Variants in LPP observed in about 807,000 individuals in gnomAD.
LPP encodes the protein lipoma-preferred partner.
In LPP, 38 loss-of-function variants were observed where a neutral mutation model predicts 60.4. The observed-to-expected ratio is 0.63, with a 90% confidence interval of 0.49 to 0.83. The LOEUF (loss-of-function observed/expected upper bound fraction) is 0.83, where lower values mean the gene tolerates loss of function less well. Among genes scored for constraint, LPP ranks in the 40% least tolerant of loss-of-function variants. LPP has a pLI of 0.00. For missense variants in LPP, 902 were observed against 783.6 expected, an observed-to-expected ratio of 1.15 and a Z score of -1.80; for synonymous variants, 328 against 290.8, an observed-to-expected ratio of 1.13 and a Z score of -1.30.
chr3:188,746,183 AC>A (rs1173698316), intron 8 of LPP, among the ~76,000 whole-genome samples: 2 of 152,002 alleles, frequency 1.3e-5, no homozygotes, highest in Non-Finnish European at 2.9e-5. Flanking sequence ...CTCCCTAGTC[AC>A]CTGTCAGCTT....
At chr3:188,549,638 C>A (rs1470475068) in intron 6 of LPP, among the ~76,000 whole-genome samples, 1 of 152,122 alleles carries the variant, frequency 6.6e-6, no homozygotes, top group East Asian at 1.9e-4. Context: ...AGTACAAGAT[C>A]TTGGTAAGAG....
At chr3:188,362,992 G>A (rs981596697) in intron 3 of LPP, among the ~76,000 whole-genome samples, 25 of 150,964 alleles carry the variant, frequency 1.7e-4, no homozygotes, top group African/African-American at 5.8e-4. Flanking sequence ...AGACCCAACT[G>A]TTTTTTAAAT....
rs1769882973 is a variant in LPP at position 188,880,833 on chromosome 3, GT to G, written c.*6356del. 5.6e-6 allele frequency: 1 copy of G among 178,912 alleles called. No homozygotes were observed. Among genetic ancestry groups the G allele is most frequent in the South Asian group, 2.0e-4 (1 of 5,054 alleles). The allele number at this position is 178,912 out of a possible 1,614,324, so 11.1% of individuals were successfully genotyped here. On this transcript the variant is annotated 3_prime_UTR_variant, in exon 12 of 12. Transcript: ENST00000617246. The stretch of plus-strand genomic sequence containing the variant: ...CTTGTGTTCTACACCACTATAGAGA[GT>G]TACAGTTGCCCCCAAACACGAATGC...
Position 188,774,254 on chromosome 3 carries a change from T to A in LPP, c.1410+13972T>A, listed in dbSNP as rs1332556636. ...CAGTTTGGTTACACCTGTTTTGAGA[T>A]TCCTTGCCTATACCCTTCCAACTGA... On this transcript the variant is annotated intron_variant, in intron 9 of 11. Transcript: ENST00000617246. Among the ~76,000 whole-genome samples the A allele has an allele frequency of 7.2e-5, 11 of 152,262 alleles. No individual in the cohort carries two copies. The East Asian group carries it at 2.1e-3, about 29-fold the overall frequency.
Position 188,778,710 on chromosome 3 carries a change from A to C in LPP, c.1410+18428A>C, listed in dbSNP as rs111302864. On this transcript the variant is annotated intron_variant, in intron 9 of 11. Coordinates refer to ENST00000617246, the MANE Select transcript of LPP (RefSeq NM_001375462.1). The stretch of plus-strand genomic sequence containing the variant: ...GAAAATCAGGCTTGATTTACCAACC[A>C]CCCCATGTGCACATACAAACAAACA... Among the ~76,000 whole-genome samples, 1,205 of 152,204 alleles carry C rather than the reference A, an allele frequency of 7.9e-3. 15 individuals are homozygous for C. The highest frequency in any genetic ancestry group is 0.026 in the African/African-American group (1,098 of 41,530).
At chr3:188,692,133 G>A (rs569896482) in intron 7 of LPP, among the ~76,000 whole-genome samples, 2 of 152,226 alleles carry the variant, frequency 1.3e-5, no homozygotes, top group South Asian at 2.1e-4. Context: ...TGAGTTGTTA[G>A]CATCAAAAAA....
chr3:188,422,969 C>G (rs1337209689), intron 4 of LPP, among the ~76,000 whole-genome samples: 1 of 130,118 alleles, frequency 7.7e-6, no homozygotes. Context: ...TTTAATTGTA[C>G]TTTAACTTCT....
intron 7 of LPP, among the ~76,000 whole-genome samples, chr3:188,652,077 T>C (rs987246503): frequency 1.3e-5 from 2 of 152,180 alleles, no homozygotes; most frequent in African/African-American, 4.8e-5. Context: ...TAAATCAAAC[T>C]TTCTGGCCTA....
intron 10 of LPP, among the ~76,000 whole-genome samples, chr3:188,870,470 C>T (rs948989376): frequency 4.6e-5 from 7 of 152,094 alleles, no homozygotes; most frequent in Admixed American, 1.3e-4. Flanking sequence ...AGAAATGTGC[C>T]GGAATACAAG....
intron 4 of LPP, among the ~76,000 whole-genome samples, chr3:188,469,041 AAGC>A (rs1801138484): frequency 6.6e-6 from 1 of 152,172 alleles, no homozygotes; most frequent in East Asian, 1.9e-4. Context: ...GAAGTGAAGA[AAGC>A]AGAGTGAATG....
chr3:188,536,077 C>A (rs1823533884), intron 6 of LPP, among the ~76,000 whole-genome samples: 1 of 144,322 alleles, frequency 6.9e-6, no homozygotes, highest in Non-Finnish European at 1.5e-5. Flanking sequence ...GGCATGATCT[C>A]ATCTCACCGC....
intron 2 of LPP, among the ~76,000 whole-genome samples, chr3:188,238,702 A>C (rs2149423169): frequency 6.6e-6 from 1 of 152,316 alleles, no homozygotes; most frequent in Non-Finnish European, 1.5e-5. Flanking sequence ...CCCCAAAATA[A>C]TTATGATAGT....
intron 7 of LPP, among the ~76,000 whole-genome samples, chr3:188,701,861 A>G (rs1268431835): frequency 6.6e-6 from 1 of 151,488 alleles, no homozygotes; most frequent in East Asian, 1.9e-4. Context: ...TTTAAATCTC[A>G]TAATGACTTC....
At chr3:188,585,662 A>G (rs544351200) in intron 6 of LPP, among the ~76,000 whole-genome samples, 1 of 152,350 alleles carries the variant, frequency 6.6e-6, no homozygotes, top group East Asian at 1.9e-4. Flanking sequence ...TGAAGTTGAA[A>G]ACGTCAAAAC....
chr3:188,532,750 G>C (rs749989552), intron 6 of LPP, among the ~76,000 whole-genome samples: 2 of 152,102 alleles, frequency 1.3e-5, no homozygotes, highest in African/African-American at 4.8e-5. Flanking sequence ...AGATAGAATA[G>C]TATTCTCAAG....
At chr3:188,807,568 C>T (rs1749547809) in intron 9 of LPP, among the ~76,000 whole-genome samples, 1 of 151,998 alleles carries the variant, frequency 6.6e-6, no homozygotes, top group African/African-American at 2.4e-5. Context: ...TTCACTCTTT[C>T]TATAAATTTC....
intron 6 of LPP, among the ~76,000 whole-genome samples, chr3:188,566,503 C>T (rs765806968): frequency 3.3e-5 from 5 of 151,782 alleles, no homozygotes; most frequent in Non-Finnish European, 5.9e-5. Context: ...GGACTCTATT[C>T]GATGATCAAG....
chr3:188,241,390 GA>G (rs1724758232), intron 2 of LPP, among the ~76,000 whole-genome samples: 1 of 152,186 alleles, frequency 6.6e-6, no homozygotes, highest in Admixed American at 6.5e-5. Flanking sequence ...CTGTGTTAGG[GA>G]TTTAAGCATC....
intron 2 of LPP, among the ~76,000 whole-genome samples, chr3:188,260,817 G>A (rs1577651950): frequency 1.3e-5 from 2 of 152,074 alleles, no homozygotes; most frequent in Admixed American, 6.6e-5. Context: ...CAGATGGTTT[G>A]AGGTCAGGAG....
Sources: allele counts gnomAD v4.1 joint callset (sites outside exome capture counted in the v4.1 genomes callset), GRCh38; gene constraint gnomAD v4.1.1; transcripts MANE v1.5; gene names NCBI Gene and HGNC (gene_info 2026-07-23, HGNC 2026-07-21).